Variants in ALK observed in about 807,000 individuals in gnomAD.
The protein encoded by ALK is ALK tyrosine kinase receptor.
ALK carries 74 observed loss-of-function variants against 163.1 expected under a neutral mutation model. The observed-to-expected ratio is 0.45, with a 90% CI of 0.38 to 0.55. The LOEUF (loss-of-function observed/expected upper bound fraction) is 0.55, where lower values mean the gene tolerates loss of function less well. Ranked by LOEUF, ALK falls within the 20% of genes least tolerant of loss-of-function variation. The pLI is 0.00. For synonymous variants in ALK, 960 were observed against 843.2 expected (o/e 1.14, Z -2.40); for missense variants, 2,063 against 2,105.3 (o/e 0.98, Z 0.39).
chr2:29,237,880 A>G (rs74769602), intron 13 of ALK, among the ~76,000 whole-genome samples: 15,702 of 152,218 alleles, frequency 0.1, 1,065 homozygotes, highest in Non-Finnish European at 0.14. Flanking sequence ...ATCCTGTAAT[A>G]CACAGGACAG....
At chr2:29,892,489 G>C (rs373928058) in intron 1 of ALK, 20 of 152,298 alleles carry the variant, frequency 1.3e-4, no homozygotes, top group African/African-American at 4.8e-4. Context: ...TAGTTCCACT[G>C]TCCCCTCTAA....
intron 1 of ALK, among the ~76,000 whole-genome samples, chr2:29,837,049 C>A (rs567060705): frequency 6.6e-6 from 1 of 152,334 alleles, no homozygotes; most frequent in African/African-American, 2.4e-5. Flanking sequence ...CAGACATCCC[C>A]CTCAACTTTT....
At chr2:29,532,889 C>G (rs1673157649) in intron 3 of ALK, among the ~76,000 whole-genome samples, 1 of 152,216 alleles carries the variant, frequency 6.6e-6, no homozygotes, top group African/African-American at 2.4e-5. Flanking sequence ...TCAACAAGAT[C>G]CCTGACTTCC....
Position 29,285,727 on chromosome 2 carries a change from T to C in ALK, c.1818-10231A>G, listed in dbSNP as rs191591838. Reference sequence around the variant, plus strand: ...ACAGGTGCATGCCACCATGTCCAGTTAATTTTTGTATTTTTAGTAAAGACG... The same window carrying C: ...ACAGGTGCATGCCACCATGTCCAGTCAATTTTTGTATTTTTAGTAAAGACG... On this transcript the variant is annotated intron_variant, in intron 9 of 28. Coordinates refer to ENST00000389048, the MANE Select transcript of ALK (RefSeq NM_004304.5). Among the ~76,000 whole-genome samples, 1,075 of 152,090 alleles carry C rather than the reference T, an allele frequency of 7.1e-3. 10 individuals are homozygous for C. Among genetic ancestry groups the C allele is most frequent in the African/African-American group, 0.025 (1,038 of 41,480 alleles).
chr2:29,884,975 T>C (rs1370319146), intron 1 of ALK, among the ~76,000 whole-genome samples: 1 of 152,182 alleles, frequency 6.6e-6, no homozygotes, highest in Non-Finnish European at 1.5e-5. Context: ...CTCTACCATT[T>C]TGTGCAAATG....
chr2:29,210,207 A>G (rs1325816991), intron 24 of ALK, among the ~76,000 whole-genome samples: 1 of 151,658 alleles, frequency 6.6e-6, no homozygotes, highest in East Asian at 1.9e-4. Context: ...TCTAACTCTC[A>G]CAACAACCTT....
chr2:29,229,158 G>T (rs1664113780), intron 15 of ALK, 92 bp from the exon 16 acceptor site: 3 of 1,204,130 alleles, frequency 2.5e-6, no homozygotes, highest in Non-Finnish European at 3.6e-6. Context: ...ACGCCTTGGA[G>T]GGCGCCCGCA....
chr2:29,608,598 T>C (rs1005665099), intron 3 of ALK, among the ~76,000 whole-genome samples: 5 of 152,222 alleles, frequency 3.3e-5, no homozygotes, highest in Admixed American at 3.3e-4. Context: ...CCATTTCTGC[T>C]GTCATGGAGA....
chr2:29,337,414 C>T (rs1271219966), intron 5 of ALK, among the ~76,000 whole-genome samples: 2 of 152,200 alleles, frequency 1.3e-5, no homozygotes, highest in African/African-American at 4.8e-5. Context: ...GTCTCTTTCT[C>T]TCTGGGCCTC....
At chr2:29,222,991 G>A (rs1669849097) in intron 20 of ALK, among the ~76,000 whole-genome samples, 1 of 152,136 alleles carries the variant, frequency 6.6e-6, no homozygotes, top group Non-Finnish European at 1.5e-5. Context: ...TATTTCCAGT[G>A]AGTGACAGAG....
chr2:29,493,521 C>G (rs1418200127), intron 4 of ALK, among the ~76,000 whole-genome samples: 1 of 152,192 alleles, frequency 6.6e-6, no homozygotes, highest in East Asian at 1.9e-4. Flanking sequence ...CTAGGATGCT[C>G]TGTCTAGCCT....
At chr2:29,767,506 G>A (rs1680896088) in intron 1 of ALK, among the ~76,000 whole-genome samples, 1 of 152,200 alleles carries the variant, frequency 6.6e-6, no homozygotes, top group Non-Finnish European at 1.5e-5. Flanking sequence ...AGAACTCAGG[G>A]CCTCTGGCTC....
intron 1 of ALK, among the ~76,000 whole-genome samples, chr2:29,767,142 T>C (rs914151373): frequency 6.6e-6 from 1 of 152,246 alleles, no homozygotes; most frequent in Non-Finnish European, 1.5e-5. Flanking sequence ...ATCAGGAGTT[T>C]ACATATAATT....
At chr2:29,821,206 T>C (rs951356364) in intron 1 of ALK, among the ~76,000 whole-genome samples, 1 of 152,126 alleles carries the variant, frequency 6.6e-6, no homozygotes, top group Admixed American at 6.5e-5. Context: ...GTGAGAATAA[T>C]GGCGGGTGCT....
intron 1 of ALK, among the ~76,000 whole-genome samples, chr2:29,743,966 C>G (rs904602345): frequency 1.3e-5 from 2 of 151,596 alleles, no homozygotes; most frequent in African/African-American, 4.8e-5. Flanking sequence ...ATGCTTAGAC[C>G]ATGTTTTTTT....
chr2:29,442,712 A>T (rs1670578236), intron 4 of ALK, among the ~76,000 whole-genome samples: 1 of 152,176 alleles, frequency 6.6e-6, no homozygotes, highest in Non-Finnish European at 1.5e-5. Flanking sequence ...CGCACCTAAA[A>T]ACCTTATGCT....
chr2:29,374,444 A>G (rs1346037718), intron 5 of ALK, among the ~76,000 whole-genome samples: 2 of 152,054 alleles, frequency 1.3e-5, no homozygotes, highest in Non-Finnish European at 2.9e-5. Flanking sequence ...AAAAAAAAAA[A>G]GCACTTCACT....
At chr2:29,238,705 C>T (rs1664444724) in intron 13 of ALK, among the ~76,000 whole-genome samples, 1 of 152,226 alleles carries the variant, frequency 6.6e-6, no homozygotes, top group South Asian at 2.1e-4. Flanking sequence ...CCTTGCCCAA[C>T]CAGCAGAGTG....
rs1469134468 is a variant in ALK, at chr2:29,680,483, C to T, written c.952+14367G>A. On this transcript the variant is annotated intron_variant, in intron 3 of 28. Coordinates refer to ENST00000389048, the MANE Select transcript of ALK (RefSeq NM_004304.5). Reference sequence around the variant, plus strand: ...TGTTGAGCTGGTCTAGTGAATTCTTCATTTTAGTTACTGCACTTTCCAACC... The same window carrying T: ...TGTTGAGCTGGTCTAGTGAATTCTTTATTTTAGTTACTGCACTTTCCAACC... Among the ~76,000 whole-genome samples the T allele has an allele frequency of 1.2e-4, 18 of 151,796 alleles. No homozygotes were observed. The East Asian group carries it at 3.7e-3, about 31-fold the overall frequency.
Sources: allele counts gnomAD v4.1 joint callset (sites outside exome capture counted in the v4.1 genomes callset), GRCh38; gene constraint gnomAD v4.1.1; transcripts MANE v1.5; gene names NCBI Gene and HGNC (gene_info 2026-07-23, HGNC 2026-07-21).